CYREN: variants seen among roughly 807,000 people sequenced by gnomAD.
CYREN encodes the protein cell cycle regulator of non-homologous end joining.
CYREN carries 7 observed loss-of-function variants against 9.7 expected under a neutral mutation model. That is an observed-to-expected ratio of 0.72 (90% CI 0.41 to 1.36). The LOEUF is 1.36. Among genes scored for constraint, CYREN ranks in the 40% most tolerant of loss-of-function variants. The pLI is 0.01. For synonymous variants in CYREN, 76 were observed against 77.9 expected (o/e 0.98, Z 0.13); for missense variants, 215 against 198.1 (o/e 1.09, Z -0.51).
At chr7:135,119,355 G>A (rs368851945) in intron 2 of CYREN, among the ~76,000 whole-genome samples, 1 of 149,738 alleles carries the variant, frequency 6.7e-6, no homozygotes, top group Non-Finnish European at 1.5e-5. Flanking sequence ...TCAGCCTTCC[G>A]AGTAGCTGGG....
intron 3 of CYREN, 146 bp downstream of exon 3, chr7:135,167,586 T>C: frequency 2.1e-6 from 3 of 1,461,858 alleles, no homozygotes; most frequent in Non-Finnish European, 2.7e-6. Context: ...CTGGGCAGCA[T>C]GGCCGAGATA....
chr7:135,127,071 G>C (rs1354190219), intron 2 of CYREN, among the ~76,000 whole-genome samples: 1 of 152,176 alleles, frequency 6.6e-6, no homozygotes, highest in Non-Finnish European at 1.5e-5. Flanking sequence ...CAGCATCAGA[G>C]TGAACAGGCA....
In CYREN at chr7:135,166,684, G is replaced by A. The variant is rs1276497529; in HGVS notation, c.401C>T (p.Ala134Val). ...CTCCTCCTCAGGGCTCCTGCTACAGGCAGAGCTGGAACCCCCCGGCCTCTG... is the reference window on the plus strand; with the variant it reads ...CTCCTCCTCAGGGCTCCTGCTACAGACAGAGCTGGAACCCCCCGGCCTCTG... ...PSQRPGGSSS[A>V]CSRSPEEEEE... is the part of the protein sequence containing the mutation. Residue 134 changes from alanine to valine, a missense_variant, in exon 4 of 4, where the codon GCC (alanine) becomes GTC (valine). Physicochemically the swap from Ala to Val is moderately conservative, Grantham distance 64. Transcript: ENST00000393114. 6.2e-7 allele frequency: 1 copy of A among 1,611,858 alleles called. No homozygotes were observed. Among genetic ancestry groups the A allele is most frequent in the Non-Finnish European group, 8.5e-7 (1 of 1,180,010 alleles).
At chr7:135,145,196 A>C (rs1829524319) in intron 2 of CYREN, among the ~76,000 whole-genome samples, 1 of 152,190 alleles carries the variant, frequency 6.6e-6, no homozygotes, top group African/African-American at 2.4e-5. Context: ...CAAAATTATA[A>C]ATGAAAATTA....
At chr7:135,096,359 G>GAGAGAGAC (rs1822698068) in intron 2 of CYREN, among the ~76,000 whole-genome samples, 1 of 150,366 alleles carries the variant, frequency 6.7e-6, no homozygotes, top group Non-Finnish European at 1.5e-5. Context: ...AAGAAAGAGA[G>GAGAGAGAC]AGACAGACAG....
intron 2 of CYREN, chr7:135,115,317 G>A: frequency 9.2e-7 from 1 of 1,088,558 alleles, no homozygotes; most frequent in Non-Finnish European, 1.3e-6. Flanking sequence ...ATATAATAAT[G>A]CCCAATAAGT....
intron 2 of CYREN, among the ~76,000 whole-genome samples, chr7:135,095,781 C>T (rs1822573785): frequency 6.6e-6 from 1 of 152,152 alleles, no homozygotes; most frequent in African/African-American, 2.4e-5. Flanking sequence ...AATAATGGAT[C>T]ATCCAGGGGA....
chr7:135,100,145 CA>C (rs1823591708), intron 2 of CYREN: 1 of 151,070 alleles, frequency 6.6e-6, no homozygotes, highest in Admixed American at 6.6e-5. Context: ...CTCAACCTCC[CA>C]AAATGCTGGG....
chr7:135,130,328 T>C (rs1180662995), intron 2 of CYREN, among the ~76,000 whole-genome samples: 1 of 152,216 alleles, frequency 6.6e-6, no homozygotes, highest in Non-Finnish European at 1.5e-5. Flanking sequence ...ACAAACGCTA[T>C]GGGGCACTTG....
chr7:135,096,752 A>AAAGAAAG (rs1421873012), intron 2 of CYREN, among the ~76,000 whole-genome samples: 3 of 142,024 alleles, frequency 2.1e-5, no homozygotes, highest in Non-Finnish European at 4.6e-5. Flanking sequence ...TGAAAGAAAG[A>AAAGAAAG]AAGAAAGAAA....
At chr7:135,101,376 C>T in intron 2 of CYREN, 1 of 375,978 alleles carries the variant, frequency 2.7e-6, no homozygotes, top group East Asian at 7.4e-5. Context: ...ATTATGGGAA[C>T]TACTTTTGTA....
intron 2 of CYREN, among the ~76,000 whole-genome samples, chr7:135,130,105 A>T (rs1828521358): frequency 6.6e-6 from 1 of 152,146 alleles, no homozygotes; most frequent in Non-Finnish European, 1.5e-5. Flanking sequence ...TACTCCTTAC[A>T]ACTGGGGTAG....
In CYREN at chr7:135,093,059, A is replaced by C. The variant is rs916397466; in HGVS notation, n.1880T>G. The C allele has an allele frequency of 2.0e-5, 3 of 152,110 alleles. No homozygotes were observed. The South Asian group carries it at 6.2e-4, about 32-fold the overall frequency. 9.4% of individuals were successfully genotyped at this position (152,110 alleles called of 1,614,324 possible). On this transcript the variant is annotated non_coding_transcript_exon_variant, in exon 3 of 3. Coordinates refer to the CYREN transcript ENST00000459937. ...ACTAAAAAAAAAAAAGCCATCTTCA[A>C]AAATCCTGCAGCTAATGTCATAGTT... is the stretch of plus-strand genomic sequence containing the variant.
chr7:135,149,035 C>T (rs567862709), intron 2 of CYREN, among the ~76,000 whole-genome samples: 1 of 152,238 alleles, frequency 6.6e-6, no homozygotes, highest in South Asian at 2.1e-4. Flanking sequence ...ATCCACTTAC[C>T]ATACCCCATT....
At chr7:135,153,019 A>G (rs1256997857) in intron 2 of CYREN, 1 of 152,246 alleles carries the variant, frequency 6.6e-6, no homozygotes, top group Non-Finnish European at 1.5e-5. Context: ...AAGTGGGTAA[A>G]GGACATAAAC....
At chr7:135,131,127 T>C (rs1585299441) in intron 2 of CYREN, among the ~76,000 whole-genome samples, 1 of 152,144 alleles carries the variant, frequency 6.6e-6, no homozygotes, top group Non-Finnish European at 1.5e-5. Context: ...CATCTTGTAA[T>C]TAGAAAAAAA....
chr7:135,129,298 AC>A (rs1828394894), intron 2 of CYREN: 2 of 1,483,978 alleles, frequency 1.3e-6, no homozygotes, highest in African/African-American at 1.4e-5. Flanking sequence ...AGGTTGACCT[AC>A]CATGGGGTCT....
At chr7:135,109,847 G>C (rs940006446) in intron 2 of CYREN, among the ~76,000 whole-genome samples, 2 of 152,198 alleles carry the variant, frequency 1.3e-5, no homozygotes, top group African/African-American at 2.4e-5. Context: ...CATGGCTAAG[G>C]CTGTGAAATA....
At chr7:135,135,251 G>A (rs1464850967) in intron 2 of CYREN, 5 of 1,518,948 alleles carry the variant, frequency 3.3e-6, no homozygotes, top group Non-Finnish European at 4.4e-6. Flanking sequence ...AAGTTCCAAA[G>A]GGAGAGTTAA....
Sources: allele counts gnomAD v4.1 joint callset (sites outside exome capture counted in the v4.1 genomes callset), GRCh38; gene constraint gnomAD v4.1.1; transcripts MANE v1.5; gene names NCBI Gene and HGNC (gene_info 2026-07-23, HGNC 2026-07-21).